DDX19B: variants seen among roughly 807,000 people sequenced by gnomAD.
The protein encoded by DDX19B is DEAD-box helicase 19B.
Under a neutral mutation model 58.1 loss-of-function variants are expected in DDX19B, and 27 were observed. The observed-to-expected ratio is 0.46, with a 90% CI of 0.34 to 0.64. The LOEUF (loss-of-function observed/expected upper bound fraction) is 0.64. DDX19B is among the 30% of genes least tolerant of loss of function. DDX19B has a pLI of 0.01. For missense variants in DDX19B, 399 were observed against 596.5 expected (o/e 0.67, Z 3.45); for synonymous variants, 187 against 214.4 (o/e 0.87, Z 1.12).
At chr16:70,322,769 G>C (rs971264030) in intron 5 of DDX19B, among the ~76,000 whole-genome samples, 4 of 151,674 alleles carry the variant, frequency 2.6e-5, no homozygotes, top group Non-Finnish European at 5.9e-5. Flanking sequence ...GCAGGCATCT[G>C]TAATCCCAGC....
chr16:70,316,220 T>A, intron 4 of DDX19B, 116 bp downstream of exon 4: 2 of 1,459,056 alleles, frequency 1.4e-6, no homozygotes, highest in East Asian at 4.6e-5. Context: ...AGTTTTTTTT[T>A]TTTTTTCGAG....
At chr16:70,313,773 A>G (rs1326684925) in intron 2 of DDX19B, among the ~76,000 whole-genome samples, 3 of 152,162 alleles carry the variant, frequency 2.0e-5, no homozygotes, top group African/African-American at 7.2e-5. Flanking sequence ...TTTTTGTATG[A>G]TTTTATATAA....
chr16:70,299,526 G>A (rs771826601), intron 1 of DDX19B, among the ~76,000 whole-genome samples, 172 bp downstream of exon 1: 4 of 152,110 alleles, frequency 2.6e-5, no homozygotes, highest in Non-Finnish European at 5.9e-5. Flanking sequence ...TCCGCGTTAC[G>A]TAAGCGCAGG....
At chr16:70,315,103 A>G in intron 3 of DDX19B, 148 bp downstream of exon 3, 1 of 741,520 alleles carries the variant, frequency 1.3e-6, no homozygotes. Context: ...GGGGCCGGGC[A>G]CGGTGGCTTA....
intron 11 of DDX19B, 139 bp from the exon 12 acceptor site, chr16:70,333,382 A>G: frequency 1.5e-6 from 2 of 1,363,692 alleles, no homozygotes; most frequent in Non-Finnish European, 2.0e-6. Flanking sequence ...TGGGGCTCTG[A>G]CTGTTGCTGT....
intron 3 of DDX19B, 112 bp downstream of exon 3, chr16:70,315,067 C>G: frequency 8.8e-7 from 1 of 1,135,342 alleles, no homozygotes; most frequent in Non-Finnish European, 1.3e-6. Flanking sequence ...ATAGGCGATA[C>G]AGTGCTAGCA....
chr16:70,321,906 G>A (rs183002992), intron 5 of DDX19B, among the ~76,000 whole-genome samples: 1 of 151,812 alleles, frequency 6.6e-6, no homozygotes, highest in East Asian at 2.0e-4. Flanking sequence ...ATGGTGGCAC[G>A]TGCCTGTAAT....
chr16:70,316,072 G>A lies in DDX19B; in HGVS notation c.264G>A (p.Leu88=). Residue 88 remains leucine, a synonymous_variant, in exon 4 of 12, where the codon CTG becomes CTA. Transcript: ENST00000288071. ...TGCAGCGGGATCCAAACTCCCCTCT[G>A]TACTCGGTGAAGTCTTTTGAAGAGC... ...EVLQRDPNSP[L]YSVKSFEELR... 6.2e-7 allele frequency: 1 copy of A among 1,614,088 alleles called. No individual in the cohort carries two copies. The highest frequency in any genetic ancestry group is 8.5e-7 in the Non-Finnish European group (1 of 1,180,038).
Position 70,320,468 on chromosome 16 carries a change from G to A in DDX19B, c.389+2880G>A, listed in dbSNP as rs559862826. On this transcript the variant is annotated intron_variant, in intron 5 of 11. Coordinates refer to ENST00000288071, the MANE Select transcript of DDX19B (RefSeq NM_007242.7). ...TCACTGCAACCTCTGCCTCCTGGGC[G>A]TAAGCAATCCTCCCACCTCGGCCTC... Among the ~76,000 whole-genome samples, 86 of 150,420 alleles carry A rather than the reference G, an allele frequency of 5.7e-4. 1 individual carries two copies. The South Asian group carries it at 0.012, about 21-fold the overall frequency.
chr16:70,321,758 G>A (rs1962831737), intron 5 of DDX19B, among the ~76,000 whole-genome samples: 1 of 152,162 alleles, frequency 6.6e-6, no homozygotes, highest in African/African-American at 2.4e-5. Flanking sequence ...TTTTGGCCAG[G>A]CGTGGTGGCT....
At chr16:70,324,752 A>G (rs1448674551) in intron 6 of DDX19B, 65 bp downstream of exon 6, 169 of 1,495,822 alleles carry the variant, frequency 1.1e-4, no homozygotes, top group Middle Eastern at 1.7e-4. Context: ...CATTTGATGG[A>G]TTAAAAGACA....
chr16:70,325,627 T>G lies in DDX19B; in HGVS notation c.546T>G (p.Ile182Met). ...TCGCCCTCCAAACAGGAAAAGTGAT[T>G]GAACAAATGGGCAAATTTTACCCTG... Reference protein sequence around the residue: ...YELALQTGKVIEQMGKFYPEL... With the variant: ...YELALQTGKVMEQMGKFYPEL... The change falls in exon 7 of 12, where the codon ATT (isoleucine) becomes ATG (methionine). Residue 182 changes from isoleucine to methionine, a missense_variant. Ile to Met is a conservative substitution (Grantham distance 10). Around this residue, in one of 4 missense-constraint regions of DDX19B, gnomAD observed 67 missense variants for 74.3 expected, o/e 0.90. Coordinates refer to ENST00000288071, the MANE Select transcript of DDX19B (RefSeq NM_007242.7). 1 of 1,614,136 alleles carries G rather than the reference T, an allele frequency of 6.2e-7. No homozygotes were observed. Among genetic ancestry groups the G allele is most frequent in the African/African-American group, 1.3e-5 (1 of 75,054 alleles).
At chr16:70,318,718 C>T (rs1481643108) in intron 5 of DDX19B, among the ~76,000 whole-genome samples, 1 of 151,164 alleles carries the variant, frequency 6.6e-6, no homozygotes, top group African/African-American at 2.4e-5. Flanking sequence ...ATCGGTTGAA[C>T]CTGGGAGGCA....
intron 1 of DDX19B, among the ~76,000 whole-genome samples, chr16:70,304,126 C>T (rs1399611092): frequency 2.0e-5 from 3 of 150,188 alleles, no homozygotes; most frequent in Admixed American, 6.6e-5. Flanking sequence ...TGCAACCCCT[C>T]GCCTCCGGGG....
At chr16:70,300,466 C>T (rs1961436256) in intron 1 of DDX19B, among the ~76,000 whole-genome samples, 1 of 152,150 alleles carries the variant, frequency 6.6e-6, no homozygotes, top group Admixed American at 6.6e-5. Flanking sequence ...CCTCAGCCTC[C>T]CAAAGTGCTG....
At position 70,333,869 on chromosome 16, in the gene DDX19B, T is replaced by G; in HGVS notation, c.*287T>G. 1 of 508,860 alleles carries G rather than the reference T, an allele frequency of 2.0e-6. No individual in the cohort carries two copies. The highest frequency in any genetic ancestry group is 3.4e-5 in the Admixed American group (1 of 29,742). The allele number at this position is 508,860 out of a possible 1,614,324, so 31.5% of individuals were successfully genotyped here. A position where few individuals can be genotyped will look rare whatever the true frequency, so the allele number is the denominator to read the frequency against. On this transcript the variant is annotated 3_prime_UTR_variant, in exon 12 of 12. Coordinates refer to ENST00000288071, the MANE Select transcript of DDX19B (RefSeq NM_007242.7). ...TTGGCCAGTGTTTCCTTCATGCTAA[T>G]CTAGATGCTGTGGCTGATTACTTGC...
At chr16:70,312,263 C>G (rs1016735365) in intron 1 of DDX19B, among the ~76,000 whole-genome samples, 2 of 152,094 alleles carry the variant, frequency 1.3e-5, no homozygotes, top group Admixed American at 1.3e-4. Flanking sequence ...GATTCCCCCC[C>G]ACACACAAAA....
intron 1 of DDX19B, among the ~76,000 whole-genome samples, chr16:70,302,733 T>G: frequency 6.6e-6 from 1 of 152,266 alleles, no homozygotes; most frequent in Middle Eastern, 3.2e-3. Flanking sequence ...GACATATGTT[T>G]GCATTTCTCT....
chr16:70,294,115 T>C (rs1231707912), upstream of DDX19B, among the ~76,000 whole-genome samples: 2 of 120,036 alleles, frequency 1.7e-5, no homozygotes, highest in Admixed American at 2.2e-4. Flanking sequence ...GGAGTCTCAC[T>C]CTGTCGCCCA....
Sources: gnomAD v4.1 joint callset for allele counts (sites outside exome capture counted in the v4.1 genomes callset) on GRCh38, gnomAD v4.1.1 for gene constraint, gnomAD v4.1.1 regional missense constraint, MANE v1.5 for transcripts, NCBI Gene and HGNC (gene_info 2026-07-23, HGNC 2026-07-21) for gene names.